The following RAB3C variants were observed in gnomAD, a reference collection of about 807,000 sequenced individuals.
RAB3C encodes ras-related protein Rab-3C.
RAB3C carries 17 observed loss-of-function variants against 26.4 expected under a neutral mutation model. The observed-to-expected ratio is 0.64, with a 90% confidence interval of 0.44 to 0.97. The LOEUF (loss-of-function observed/expected upper bound fraction) is 0.97, where lower values mean the gene tolerates loss of function less well. Ranked by LOEUF, RAB3C falls within the 50% of genes least tolerant of loss-of-function variation. RAB3C has a pLI of 0.00. For missense variants in RAB3C, 242 were observed against 281.9 expected (o/e 0.86, Z 1.01); for synonymous variants, 91 against 95.9 (o/e 0.95, Z 0.30).
chr5:58,846,742 C>T (rs1220183937), intron 4 of RAB3C: 1 of 151,994 alleles, frequency 6.6e-6, no homozygotes, highest in African/African-American at 2.4e-5. Context: ...TGTAGAATCA[C>T]AGCCGTTTGT....
At chr5:58,761,272 T>G (rs1741792606) in intron 3 of RAB3C, among the ~76,000 whole-genome samples, 1 of 152,228 alleles carries the variant, frequency 6.6e-6, no homozygotes, top group South Asian at 2.1e-4. Context: ...TAAAATATAT[T>G]GAAGATAATT....
chr5:58,624,968 A>G (rs1747021860), intron 2 of RAB3C, among the ~76,000 whole-genome samples: 1 of 152,222 alleles, frequency 6.6e-6, no homozygotes, highest in African/African-American at 2.4e-5. Flanking sequence ...GTAGTGAGTT[A>G]TCTAATCCTC....
At chr5:58,822,726 C>G (rs1055037625) in intron 3 of RAB3C, 6 of 478,402 alleles carry the variant, frequency 1.3e-5, no homozygotes, top group South Asian at 1.1e-4. Context: ...ATACGGTAGT[C>G]TGCGCAGCAT....
At chr5:58,743,577 C>T (rs1280722077) in intron 3 of RAB3C, among the ~76,000 whole-genome samples, 3 of 152,022 alleles carry the variant, frequency 2.0e-5, no homozygotes, top group East Asian at 1.9e-4. Context: ...CCCCAGCTCC[C>T]GACAGGCCCC....
At chr5:58,847,574 G>T (rs934466526) in intron 4 of RAB3C, among the ~76,000 whole-genome samples, 4 of 152,134 alleles carry the variant, frequency 2.6e-5, no homozygotes, top group South Asian at 2.1e-4. Flanking sequence ...TGCATTAGTG[G>T]TTATAACTTA....
chr5:58,672,500 G>T (rs1748140905), intron 2 of RAB3C, among the ~76,000 whole-genome samples: 1 of 152,150 alleles, frequency 6.6e-6, no homozygotes, highest in Non-Finnish European at 1.5e-5. Flanking sequence ...TCATATCTAT[G>T]TCCAGCATTC....
intron 3 of RAB3C, among the ~76,000 whole-genome samples, chr5:58,761,736 T>G (rs1239632845): frequency 6.6e-6 from 1 of 152,198 alleles, no homozygotes; most frequent in African/African-American, 2.4e-5. Flanking sequence ...TTTTAAGTTG[T>G]TTAATGCAGC....
intron 3 of RAB3C, among the ~76,000 whole-genome samples, chr5:58,771,837 C>T (rs1406408351): frequency 2.0e-5 from 3 of 147,322 alleles, no homozygotes; most frequent in Non-Finnish European, 1.5e-5. Context: ...TTTCTTTTTT[C>T]TTTTTCTTTT....
At chr5:58,673,447 T>TACACACAC (rs71604758) in intron 2 of RAB3C, among the ~76,000 whole-genome samples, 188 of 146,040 alleles carry the variant, frequency 1.3e-3, no homozygotes, top group South Asian at 3.8e-3. Context: ...GAACTAGTTA[T>TACACACAC]ACACACACAC....
intron 4 of RAB3C, among the ~76,000 whole-genome samples, chr5:58,849,149 A>C (rs536733027): frequency 5.3e-5 from 8 of 152,346 alleles, no homozygotes; most frequent in African/African-American, 1.4e-4. Flanking sequence ...TAAATCTTTT[A>C]TGATACCGTT....
chr5:58,697,444 C>A (rs757656426), intron 2 of RAB3C, among the ~76,000 whole-genome samples: 1 of 151,854 alleles, frequency 6.6e-6, no homozygotes, highest in Non-Finnish European at 1.5e-5. Flanking sequence ...TAGGTCTGCT[C>A]GTTGCAGAGC....
intron 4 of RAB3C, among the ~76,000 whole-genome samples, chr5:58,830,016 C>T (rs147239294): frequency 8.4e-4 from 128 of 152,132 alleles, no homozygotes; most frequent in African/African-American, 2.4e-3. Context: ...ATTATGAACA[C>T]GTAAACAGGG....
chr5:58,853,834 C>G lies in RAB3C; in HGVS notation c.*2483C>G. 6.6e-6 allele frequency: 1 copy of G among 152,022 alleles called. No individual in the cohort carries two copies. Among genetic ancestry groups the G allele is most frequent in the East Asian group, 1.9e-4 (1 of 5,196 alleles). The allele number at this position is 152,022 out of a possible 1,614,324, so 9.4% of individuals were successfully genotyped here. On this transcript the variant is annotated 3_prime_UTR_variant, in exon 5 of 5. Coordinates refer to ENST00000282878, the MANE Select transcript of RAB3C (RefSeq NM_138453.4). Reference sequence around the variant, plus strand: ...TTCCAAATAATTCAATGAGAGGTTTCCAGAGAAACAGTCACAGAGCTCAAG... The same window carrying G: ...TTCCAAATAATTCAATGAGAGGTTTGCAGAGAAACAGTCACAGAGCTCAAG...
intron 3 of RAB3C, among the ~76,000 whole-genome samples, chr5:58,791,908 A>G (rs1742532123): frequency 6.6e-6 from 1 of 152,244 alleles, no homozygotes; most frequent in African/African-American, 2.4e-5. Context: ...CTGGCCTTCC[A>G]TGTAACTGTA....
chr5:58,743,978 A>T (rs1741337804), intron 3 of RAB3C, among the ~76,000 whole-genome samples: 1 of 152,220 alleles, frequency 6.6e-6, no homozygotes, highest in South Asian at 2.1e-4. Flanking sequence ...TGGCCAATAC[A>T]TTAAAATTTG....
In RAB3C at chr5:58,714,950, A is replaced by G. The variant is rs181673285; in HGVS notation, c.253-11052A>G. 1.4e-4 allele frequency among the ~76,000 whole-genome samples: 22 copies of G among 152,160 alleles called. No homozygotes were observed. The South Asian group carries it at 4.1e-3, about 29-fold the overall frequency. The stretch of plus-strand genomic sequence containing the variant: ...AGTGGGCCAATTTCTTGATAAAAGG[A>G]TTCTGATCCACTGTATCAAAAATAC... On this transcript the variant is annotated intron_variant, in intron 2 of 4. Coordinates refer to ENST00000282878, the MANE Select transcript of RAB3C (RefSeq NM_138453.4).
At position 58,617,644 on chromosome 5, in the gene RAB3C, T is replaced by A. The variant is rs1364831682; in HGVS notation, c.26T>A (p.Met9Lys). The change falls in exon 2 of 5, where the codon ATG (methionine) becomes AAG (lysine). Residue 9 changes from methionine to lysine, a missense_variant and splice_region_variant. By Grantham distance (95) the Met-to-Lys change is moderately conservative. Transcript: ENST00000282878. ...TGTTTTGTTTTGTTTTTATCACAGATGGCCTCTGCCCAAGATGCCAGGTAC... is the reference window on the plus strand; with the variant it reads ...TGTTTTGTTTTGTTTTTATCACAGAAGGCCTCTGCCCAAGATGCCAGGTAC... MRHEAPMQ[M>K]ASAQDARYGQ... is the part of the protein sequence containing the mutation. 3 of 1,611,588 alleles carry A rather than the reference T, an allele frequency of 1.9e-6. No individual in the cohort carries two copies. The highest frequency in any genetic ancestry group is 2.5e-6 in the Non-Finnish European group (3 of 1,177,834).
At chr5:58,597,743 AATACATTATATATAAGTATATAAC>A (rs1746354037) in intron 1 of RAB3C, among the ~76,000 whole-genome samples, 1 of 126,496 alleles carries the variant, frequency 7.9e-6, no homozygotes, top group South Asian at 2.5e-4. Context: ...TATAACATAT[AATACATTATATATAAGTATATAAC>A]ATATAATACA....
At chr5:58,768,693 CA>C (rs756768704) in intron 3 of RAB3C, among the ~76,000 whole-genome samples, 2 of 151,698 alleles carry the variant, frequency 1.3e-5, no homozygotes, top group Non-Finnish European at 2.9e-5. Context: ...AAGGGAACAG[CA>C]AGAACTGCCC....
Sources: gnomAD v4.1 joint callset for allele counts (sites outside exome capture counted in the v4.1 genomes callset) on GRCh38, gnomAD v4.1.1 for gene constraint, MANE v1.5 for transcripts, NCBI Gene and HGNC (gene_info 2026-07-23, HGNC 2026-07-21) for gene names.